The following RFTN1 variants were observed in gnomAD, a reference collection of about 807,000 sequenced individuals.
RFTN1 encodes the protein raftlin.
Under a neutral mutation model 46.5 loss-of-function variants are expected in RFTN1, and 26 were observed. The ratio of observed to expected loss-of-function variants is 0.56; its 90% CI spans 0.41 to 0.78. The LOEUF (loss-of-function observed/expected upper bound fraction) is 0.78, where lower values mean the gene tolerates loss of function less well. Among genes scored for constraint, RFTN1 ranks in the 30% least tolerant of loss-of-function variants. RFTN1 has a pLI of 0.00. For missense variants in RFTN1, 693 were observed against 718.7 expected (o/e 0.96, Z 0.41); for synonymous variants, 261 against 284.2 (o/e 0.92, Z 0.82).
At chr3:16,502,621 TG>T (rs1293550540) in intron 1 of RFTN1, among the ~76,000 whole-genome samples, 1 of 152,208 alleles carries the variant, frequency 6.6e-6, no homozygotes, top group Non-Finnish European at 1.5e-5. Flanking sequence ...TCTCTCGTTC[TG>T]GGGGAAGCCA....
At chr3:16,478,006 A>T (rs543038907) in intron 2 of RFTN1, among the ~76,000 whole-genome samples, 1 of 152,338 alleles carries the variant, frequency 6.6e-6, no homozygotes, top group South Asian at 2.1e-4. Flanking sequence ...CAACACAGTG[A>T]TCATTTGCTT....
chr3:16,354,988 T>C (rs1048129269), intron 7 of RFTN1, among the ~76,000 whole-genome samples: 15 of 152,212 alleles, frequency 9.9e-5, no homozygotes, highest in Non-Finnish European at 5.9e-5. Flanking sequence ...AATACCTTGT[T>C]CCTCATTTCC....
intron 2 of RFTN1, among the ~76,000 whole-genome samples, chr3:16,444,216 G>A (rs1231307100): frequency 2.6e-5 from 4 of 152,130 alleles, no homozygotes; most frequent in African/African-American, 9.7e-5. Flanking sequence ...ATGATAGCTG[G>A]CATTCTTGGT....
rs1451614496 is a variant in RFTN1, at chr3:16,425,179, C to T, written c.332+8672G>A. Among the ~76,000 whole-genome samples the T allele has an allele frequency of 2.0e-5, 3 of 152,114 alleles. No individual in the cohort carries two copies. The East Asian group carries it at 5.8e-4, about 29-fold the overall frequency. ...TGCATACGATTCTCAAAATCATGTC[C>T]CTGTAGTCTACCTTGCAATGCTACC... On this transcript the variant is annotated intron_variant, in intron 3 of 9. Coordinates refer to ENST00000334133, the MANE Select transcript of RFTN1 (RefSeq NM_015150.2). The surrounding 1 kb of genome is among the most constrained non-coding windows in gnomAD (Gnocchi z 4.3).
intron 4 of RFTN1, among the ~76,000 whole-genome samples, chr3:16,389,498 G>T (rs974697007): frequency 1.3e-5 from 2 of 151,976 alleles, no homozygotes; most frequent in Admixed American, 6.5e-5. Context: ...TTTTTTTCGG[G>T]GGGGAGGGAA....
chr3:16,454,327 G>A (rs1199435962), intron 2 of RFTN1, among the ~76,000 whole-genome samples: 2 of 152,240 alleles, frequency 1.3e-5, no homozygotes, highest in African/African-American at 4.8e-5. Context: ...TCTCAGCAAA[G>A]TGGCAGCTGG....
rs191931250 is a variant in RFTN1, at chr3:16,421,086, T to G, written c.333-11603A>C. Among the ~76,000 whole-genome samples the G allele has an allele frequency of 2.0e-4, 30 of 152,360 alleles. No individual in the cohort carries two copies. Among genetic ancestry groups the G allele is most frequent in the Admixed American group, 1.3e-4 (2 of 15,314 alleles). On this transcript the variant is annotated intron_variant, in intron 3 of 9. Transcript: ENST00000334133. This position sits in a 1 kb window ranked among gnomAD's most constrained non-coding sequence, Gnocchi z 4.6. ...AGAAAAAAATTCCTGAGTACCACTGTACTAACATCTTACATATGTTATAAA... is the reference window on the plus strand; with the variant it reads ...AGAAAAAAATTCCTGAGTACCACTGGACTAACATCTTACATATGTTATAAA...
intron 2 of RFTN1, among the ~76,000 whole-genome samples, chr3:16,434,390 A>C (rs1260634285): frequency 6.9e-5 from 9 of 130,694 alleles, no homozygotes; most frequent in African/African-American, 1.4e-4. Flanking sequence ...ACAAACAAAC[A>C]AACAAAAACA....
At chr3:16,350,086 T>C (rs957770401) in intron 7 of RFTN1, 3 of 151,858 alleles carry the variant, frequency 2.0e-5, no homozygotes, top group South Asian at 4.1e-4. Context: ...TTTGATCAAG[T>C]AAGTGAGTAC....
chr3:16,373,562 C>T (rs1458388032), intron 5 of RFTN1, among the ~76,000 whole-genome samples: 1 of 152,214 alleles, frequency 6.6e-6, no homozygotes, highest in Non-Finnish European at 1.5e-5. Context: ...AGTTTGCCTG[C>T]AGGTGGGGCC....
At chr3:16,333,245 C>G (rs9815307) in intron 7 of RFTN1, among the ~76,000 whole-genome samples, 2,159 of 152,276 alleles carry the variant, frequency 0.014, 46 homozygotes, top group African/African-American at 0.049. Context: ...ATGTGTACCA[C>G]AAAAAGGACA....
intron 2 of RFTN1, among the ~76,000 whole-genome samples, chr3:16,491,162 A>G (rs1314098182): frequency 6.6e-6 from 1 of 152,176 alleles, no homozygotes; most frequent in African/African-American, 2.4e-5. Context: ...GAGAAGGTAG[A>G]AATTTTAAAG....
rs556202543 is a variant in RFTN1 at position 16,325,373 on chromosome 3, G to A, written c.1250+1400C>T. On this transcript the variant is annotated intron_variant, in intron 8 of 9. Transcript: ENST00000334133. ...AACAGGGAGGTGGAGGATTAGGAAG[G>A]ATTATTTAGCAGGTGTGAAGGTCTG... Among the ~76,000 whole-genome samples, 38 of 152,342 alleles carry A rather than the reference G, an allele frequency of 2.5e-4. 1 individual carries two copies. The East Asian group carries it at 5.4e-3, about 22-fold the overall frequency.
intron 6 of RFTN1, among the ~76,000 whole-genome samples, chr3:16,362,823 G>A (rs1270242864): frequency 2.0e-5 from 3 of 152,128 alleles, no homozygotes; most frequent in Non-Finnish European, 2.9e-5. Flanking sequence ...TGGCAGAGCC[G>A]AGGTCCAGAA....
chr3:16,405,227 C>A (rs1346084593), intron 4 of RFTN1, among the ~76,000 whole-genome samples: 7 of 152,140 alleles, frequency 4.6e-5, no homozygotes, highest in East Asian at 1.9e-4. Flanking sequence ...GTTGAGCCCT[C>A]GTCCCAAAGG....
At position 16,385,308 on chromosome 3, in the gene RFTN1, G is replaced by A. The variant is rs911868836; in HGVS notation, c.442-7206C>T. Among the ~76,000 whole-genome samples the A allele has an allele frequency of 1.3e-5, 2 of 152,180 alleles. No individual in the cohort carries two copies. Among genetic ancestry groups the A allele is most frequent in the Non-Finnish European group, 2.9e-5 (2 of 68,036 alleles). On this transcript the variant is annotated intron_variant, in intron 4 of 9. Coordinates refer to ENST00000334133, the MANE Select transcript of RFTN1 (RefSeq NM_015150.2). The surrounding 1 kb of genome is among the most constrained non-coding windows in gnomAD (Gnocchi z 5.0). ...CGGGTTTGAGCTCACATCTGAAGCC[G>A]CCTTTAGTTTTGACATGTTAACACT... is the stretch of plus-strand genomic sequence containing the variant.
At position 16,449,241 on chromosome 3, in the gene RFTN1, A is replaced by G. The variant is rs2075783924; in HGVS notation, c.146-15204T>C. 6.6e-6 allele frequency among the ~76,000 whole-genome samples: 1 copy of G among 152,218 alleles called. No individual in the cohort carries two copies. Among genetic ancestry groups the G allele is most frequent in the Non-Finnish European group, 1.5e-5 (1 of 68,036 alleles). ...CCTATTAGGCAAATAAAGAACAGAAATCTGGAATTGAATTATAGGAGAGAA... is the reference window on the plus strand; with the variant it reads ...CCTATTAGGCAAATAAAGAACAGAAGTCTGGAATTGAATTATAGGAGAGAA... On this transcript the variant is annotated intron_variant, in intron 2 of 9. Transcript: ENST00000334133. This position sits in a 1 kb window ranked among gnomAD's most constrained non-coding sequence, Gnocchi z 5.1.
At chr3:16,493,644 T>A in intron 2 of RFTN1, 81 bp downstream of exon 2, 24 of 1,104,044 alleles carry the variant, frequency 2.2e-5, no homozygotes, top group Non-Finnish European at 2.8e-5. Flanking sequence ...CCCATCCAGC[T>A]CTCCAACTGC....
intron 7 of RFTN1, among the ~76,000 whole-genome samples, chr3:16,357,325 A>G (rs1389930578): frequency 6.6e-6 from 1 of 152,196 alleles, no homozygotes; most frequent in Admixed American, 6.5e-5. Flanking sequence ...CCAAAGTCCC[A>G]GCAGAACGTG....
Sources: allele counts gnomAD v4.1 joint callset (sites outside exome capture counted in the v4.1 genomes callset), GRCh38; gene constraint gnomAD v4.1.1; non-coding constraint Gnocchi (gnomAD v3.1); transcripts MANE v1.5; gene names NCBI Gene and HGNC (gene_info 2026-07-23, HGNC 2026-07-21).